Variants in LRRTM4 observed in about 807,000 individuals in gnomAD.
LRRTM4 encodes leucine-rich repeat transmembrane neuronal protein 4.
Under a neutral mutation model 47.6 loss-of-function variants are expected in LRRTM4, and 25 were observed. The ratio of observed to expected loss-of-function variants is 0.53; its 90% confidence interval spans 0.38 to 0.73. The LOEUF (loss-of-function observed/expected upper bound fraction) is 0.73, where lower values mean the gene tolerates loss of function less well. Ranked by LOEUF, LRRTM4 falls within the 30% of genes least tolerant of loss-of-function variation. LRRTM4 has a pLI of 0.00. For missense variants in LRRTM4, 638 were observed against 713.4 expected, an observed-to-expected ratio of 0.89 and a Z score of 1.20; for synonymous variants, 311 against 269.5, an observed-to-expected ratio of 1.15 and a Z score of -1.51.
intron 3 of LRRTM4, among the ~76,000 whole-genome samples, chr2:76,918,612 C>T (rs554781105): frequency 6.6e-6 from 1 of 152,128 alleles, no homozygotes; most frequent in Non-Finnish European, 1.5e-5. Context: ...TTTAAAAATA[C>T]AGACGAACCC....
chr2:77,362,165 GAA>G (rs1558707449), intron 3 of LRRTM4, among the ~76,000 whole-genome samples: 1 of 151,464 alleles, frequency 6.6e-6, no homozygotes, highest in Non-Finnish European at 1.5e-5. Flanking sequence ...AAGAAAGAAA[GAA>G]AGAAAGGAAG....
chr2:77,501,105 C>G (rs2104076068), intron 3 of LRRTM4, among the ~76,000 whole-genome samples: 1 of 150,806 alleles, frequency 6.6e-6, no homozygotes, highest in African/African-American at 2.4e-5. Flanking sequence ...AAGAACCACA[C>G]TTACCAATGT....
intron 3 of LRRTM4, among the ~76,000 whole-genome samples, chr2:76,836,175 AT>A (rs1243549681): frequency 1.4e-5 from 2 of 146,324 alleles, no homozygotes; most frequent in East Asian, 2.0e-4. Flanking sequence ...AAAAAAAAAA[AT>A]AACAGTGAAG....
chr2:77,148,478 A>G (rs557170668), intron 3 of LRRTM4, among the ~76,000 whole-genome samples: 49 of 152,234 alleles, frequency 3.2e-4, no homozygotes, highest in African/African-American at 1.1e-3. Context: ...TGCCCCAAAC[A>G]CAAACCCTAC....
At chr2:76,794,385 CAGTCCCTAAATACTGCTAT>C (rs2103730454) in intron 3 of LRRTM4, among the ~76,000 whole-genome samples, 1 of 152,338 alleles carries the variant, frequency 6.6e-6, no homozygotes, top group Non-Finnish European at 1.5e-5. Flanking sequence ...TATACCACTA[CAGTCCCTAAATACTGCTAT>C]ATGACTAATC....
chr2:76,890,193 A>G (rs1273827505), intron 3 of LRRTM4, among the ~76,000 whole-genome samples: 1 of 152,022 alleles, frequency 6.6e-6, no homozygotes, highest in Non-Finnish European at 1.5e-5. Flanking sequence ...GCAAAGATTC[A>G]TGATCATGAA....
At chr2:76,990,178 T>A (rs891921012) in intron 3 of LRRTM4, among the ~76,000 whole-genome samples, 3 of 151,776 alleles carry the variant, frequency 2.0e-5, no homozygotes, top group African/African-American at 4.8e-5. Flanking sequence ...AATCCAATCT[T>A]AATTTTGTTT....
intron 3 of LRRTM4, among the ~76,000 whole-genome samples, chr2:77,336,930 T>C (rs1671189246): frequency 6.6e-6 from 1 of 152,086 alleles, no homozygotes; most frequent in African/African-American, 2.4e-5. Context: ...TCAAATTATG[T>C]GTCTCTTTTC....
At chr2:76,813,145 C>T (rs1037189839) in intron 3 of LRRTM4, among the ~76,000 whole-genome samples, 2 of 151,994 alleles carry the variant, frequency 1.3e-5, no homozygotes, top group African/African-American at 4.8e-5. Context: ...CCCTGGGCAA[C>T]AAGAGCGAAA....
At chr2:77,503,118 T>C (rs954372282) in intron 3 of LRRTM4, among the ~76,000 whole-genome samples, 1 of 151,112 alleles carries the variant, frequency 6.6e-6, no homozygotes, top group Non-Finnish European at 1.5e-5. Context: ...TTTAAATAAA[T>C]AATGGAGGAT....
chr2:76,819,480 G>T (rs1670994808), intron 3 of LRRTM4, among the ~76,000 whole-genome samples: 1 of 151,780 alleles, frequency 6.6e-6, no homozygotes, highest in African/African-American at 2.4e-5. Context: ...GACCATTTGG[G>T]TCTGGAATAT....
At chr2:77,094,940 C>A (rs1433622883) in intron 3 of LRRTM4, among the ~76,000 whole-genome samples, 7 of 152,052 alleles carry the variant, frequency 4.6e-5, no homozygotes, top group African/African-American at 1.7e-4. Flanking sequence ...CTAGATTGTA[C>A]CAACCTAAAA....
chr2:77,168,689 C>G (rs993108720), intron 3 of LRRTM4, among the ~76,000 whole-genome samples: 4 of 152,136 alleles, frequency 2.6e-5, no homozygotes, highest in Non-Finnish European at 4.4e-5. Flanking sequence ...TAACCAACCT[C>G]TCTTCACCCC....
chr2:76,880,712 A>T (rs768782139), intron 3 of LRRTM4, among the ~76,000 whole-genome samples: 15 of 152,170 alleles, frequency 9.9e-5, no homozygotes, highest in Admixed American at 2.0e-4. Context: ...TAGGCCCTGG[A>T]TTCTGGTACA....
chr2:77,099,839 T>A (rs532656964), intron 3 of LRRTM4, among the ~76,000 whole-genome samples: 79 of 152,206 alleles, frequency 5.2e-4, no homozygotes, highest in Non-Finnish European at 9.9e-4. Context: ...TAAACATCAT[T>A]CTTGAACATA....
chr2:77,006,488 AG>A (rs1264589041), intron 3 of LRRTM4, among the ~76,000 whole-genome samples: 6 of 152,278 alleles, frequency 3.9e-5, no homozygotes, highest in African/African-American at 1.4e-4. Context: ...AGGAACAAGA[AG>A]AAAATCATAA....
In LRRTM4 at chr2:76,791,291, T is replaced by C. The variant is rs187957801; in HGVS notation, c.1552-42375A>G. On this transcript the variant is annotated intron_variant, in intron 3 of 3. Coordinates refer to ENST00000409884, the MANE Select transcript of LRRTM4 (RefSeq NM_001134745.3). Reference sequence around the variant, plus strand: ...ACCTTACCATCCTCTACTGAGATTATTTCAATAATATTGGGAACCATCATT... The same window carrying C: ...ACCTTACCATCCTCTACTGAGATTACTTCAATAATATTGGGAACCATCATT... Among the ~76,000 whole-genome samples the C allele has an allele frequency of 5.0e-3, 764 of 152,008 alleles. 7 individuals are homozygous for C. Among genetic ancestry groups the C allele is most frequent in the Non-Finnish European group, 6.9e-3 (472 of 68,020 alleles).
intron 3 of LRRTM4, among the ~76,000 whole-genome samples, chr2:76,957,918 G>A (rs943736507): frequency 2.0e-5 from 3 of 151,230 alleles, no homozygotes; most frequent in Non-Finnish European, 3.0e-5. Context: ...GTGTTTGTGT[G>A]TGTGTATATA....
chr2:77,077,164 TATTG>T (rs1333356531), intron 3 of LRRTM4, among the ~76,000 whole-genome samples: 3 of 152,194 alleles, frequency 2.0e-5, no homozygotes, highest in Non-Finnish European at 2.9e-5. Context: ...AGGATAACTA[TATTG>T]ATTAATGAGT....
Sources: gnomAD v4.1 joint callset for allele counts (sites outside exome capture counted in the v4.1 genomes callset) on GRCh38, gnomAD v4.1.1 for gene constraint, MANE v1.5 for transcripts, NCBI Gene and HGNC (gene_info 2026-07-23, HGNC 2026-07-21) for gene names.